DPH6: variants seen among roughly 807,000 people sequenced by gnomAD.
DPH6 encodes the protein diphthamine biosynthesis 6.
DPH6 carries 33 observed loss-of-function variants against 38.2 expected under a neutral mutation model. That is an observed-to-expected ratio of 0.86 (90% CI 0.65 to 1.15). The LOEUF (loss-of-function observed/expected upper bound fraction) is 1.15. Ranked by LOEUF, DPH6 falls within the 50% of genes most tolerant of loss-of-function variation. The probability of loss-of-function intolerance (pLI) is 0.00; values close to 1 mark genes in which losing one functional copy is unlikely to be tolerated. For synonymous variants in DPH6, 108 were observed against 103.0 expected, an observed-to-expected ratio of 1.05 and a Z score of -0.30; for missense variants, 325 against 320.0, an observed-to-expected ratio of 1.02 and a Z score of -0.12.
At chr15:35,278,306 G>A (rs1242324311) in intron 3 of DPH6, among the ~76,000 whole-genome samples, 1 of 152,258 alleles carries the variant, frequency 6.6e-6, no homozygotes, top group African/African-American at 2.4e-5. Flanking sequence ...ACTTTGGAGA[G>A]TGAGGCCGTA....
downstream of DPH6, among the ~76,000 whole-genome samples, chr15:35,217,167 C>T (rs2051415195): frequency 6.6e-6 from 1 of 152,108 alleles, no homozygotes; most frequent in Non-Finnish European, 1.5e-5. Context: ...TAACTAGTTA[C>T]ATCACCACCA....
intron 5 of DPH6, among the ~76,000 whole-genome samples, chr15:35,444,766 C>G (rs2053829514): frequency 6.6e-6 from 1 of 152,174 alleles, no homozygotes; most frequent in Non-Finnish European, 1.5e-5. Flanking sequence ...TGCAGCCAGT[C>G]TCCTGGAAGA....
At chr15:35,402,113 C>T (rs752680246) in intron 6 of DPH6, among the ~76,000 whole-genome samples, 4 of 152,136 alleles carry the variant, frequency 2.6e-5, no homozygotes, top group Non-Finnish European at 4.4e-5. Context: ...TTTTAAAAAA[C>T]GTGTTGTGTA....
At chr15:35,497,945 T>C (rs894816094) in intron 3 of DPH6, among the ~76,000 whole-genome samples, 5 of 152,208 alleles carry the variant, frequency 3.3e-5, no homozygotes, top group African/African-American at 9.6e-5. Context: ...TCTGTTAAAA[T>C]AGTCGGTTAT....
the DPH6 span, among the ~76,000 whole-genome samples, chr15:35,174,871 A>C: frequency 6.6e-6 from 1 of 152,192 alleles, no homozygotes; most frequent in Non-Finnish European, 1.5e-5. Context: ...TGATTCCACA[A>C]TTCCTTTGCA....
chr15:35,191,296 T>C, the DPH6 span, among the ~76,000 whole-genome samples: 1 of 152,196 alleles, frequency 6.6e-6, no homozygotes, highest in African/African-American at 2.4e-5. Flanking sequence ...ATCTTTCTGT[T>C]CTTATCTGTT....
chr15:35,252,821 C>T (rs1411517831), intron 3 of DPH6, among the ~76,000 whole-genome samples: 1 of 152,156 alleles, frequency 6.6e-6, no homozygotes, highest in African/African-American at 2.4e-5. Context: ...TAATTTTTTA[C>T]TGGTATTAAG....
At chr15:35,167,577 A>ATTT in the DPH6 span, among the ~76,000 whole-genome samples, 3 of 150,726 alleles carry the variant, frequency 2.0e-5, no homozygotes, top group South Asian at 2.1e-4. Context: ...TTTTTTAAAA[A>ATTT]AAAAAAAAAA....
chr15:35,201,528 A>T, the DPH6 span, among the ~76,000 whole-genome samples: 1 of 151,870 alleles, frequency 6.6e-6, no homozygotes, highest in Admixed American at 6.6e-5. Flanking sequence ...ATTTTGCCTG[A>T]TATACTAAAG....
chr15:35,393,844 A>G (rs75537576), intron 6 of DPH6, among the ~76,000 whole-genome samples: 5,354 of 152,292 alleles, frequency 0.035, 294 homozygotes, highest in African/African-American at 0.12. Flanking sequence ...AAGTTAAAAA[A>G]GAAATTTAGG....
intron 3 of DPH6, among the ~76,000 whole-genome samples, chr15:35,335,169 T>C (rs1216884155): frequency 6.6e-6 from 1 of 152,230 alleles, no homozygotes; most frequent in Non-Finnish European, 1.5e-5. Flanking sequence ...TTGAGCTTTT[T>C]TACATATGTT....
At chr15:35,197,919 A>T in the DPH6 span, among the ~76,000 whole-genome samples, 1 of 152,160 alleles carries the variant, frequency 6.6e-6, no homozygotes, top group Admixed American at 6.6e-5. Context: ...TATCTCATGG[A>T]CATTACAGAT....
At chr15:35,488,211 C>T (rs763925819) in intron 3 of DPH6, among the ~76,000 whole-genome samples, 17 of 152,156 alleles carry the variant, frequency 1.1e-4, no homozygotes, top group Non-Finnish European at 2.4e-4. Context: ...CCACATCTTC[C>T]TGTCTTCTTC....
intron 5 of DPH6, among the ~76,000 whole-genome samples, chr15:35,442,769 G>C (rs1335285740): frequency 6.6e-6 from 1 of 152,148 alleles, no homozygotes; most frequent in Non-Finnish European, 1.5e-5. Context: ...CAGTCACAGT[G>C]ACCACATATT....
At chr15:35,290,233 T>A (rs2051971033) in intron 3 of DPH6, among the ~76,000 whole-genome samples, 3 of 152,168 alleles carry the variant, frequency 2.0e-5, no homozygotes, top group Admixed American at 2.0e-4. Context: ...AAATCAACAT[T>A]AAGGTATTAC....
At chr15:35,364,362 C>G (rs2052638728) in intron 3 of DPH6, among the ~76,000 whole-genome samples, 1 of 152,020 alleles carries the variant, frequency 6.6e-6, no homozygotes, top group Non-Finnish European at 1.5e-5. Context: ...TAATGCATTT[C>G]CCAGTAAGTT....
At chr15:35,464,575 C>G (rs1224987749) in intron 3 of DPH6, among the ~76,000 whole-genome samples, 4 of 152,080 alleles carry the variant, frequency 2.6e-5, no homozygotes, top group African/African-American at 9.7e-5. Flanking sequence ...AGAAACAAAT[C>G]TGGTTCTAAA....
At chr15:35,493,277 T>C (rs1595413901) in intron 3 of DPH6, among the ~76,000 whole-genome samples, 1 of 152,120 alleles carries the variant, frequency 6.6e-6, no homozygotes, top group Admixed American at 6.6e-5. Flanking sequence ...TAAGCAAACA[T>C]CCACCCACAA....
At chr15:35,400,694 T>A (rs2053205797) in intron 6 of DPH6, 1 of 676,712 alleles carries the variant, frequency 1.5e-6, no homozygotes, top group Admixed American at 2.2e-5. Context: ...TGCCATCATG[T>A]CTAAGTCAGA....
Sources: allele counts gnomAD v4.1 joint callset (sites outside exome capture counted in the v4.1 genomes callset), GRCh38; gene constraint gnomAD v4.1.1; transcripts MANE v1.5; gene names NCBI Gene and HGNC (gene_info 2026-07-23, HGNC 2026-07-21).